Variants in TUBGCP3 observed in about 807,000 individuals in gnomAD.
The protein encoded by TUBGCP3 is tubulin gamma complex component 3.
TUBGCP3 carries 50 observed loss-of-function variants against 123.1 expected under a neutral mutation model. The ratio of observed to expected loss-of-function variants is 0.41; its 90% CI spans 0.32 to 0.51. TUBGCP3 has a LOEUF of 0.51. TUBGCP3 is among the 20% of genes least tolerant of loss of function. TUBGCP3 has a pLI of 0.36. For synonymous variants in TUBGCP3, 405 were observed against 413.9 expected (o/e 0.98, Z 0.26); for missense variants, 882 against 1,127.0 (o/e 0.78, Z 3.11).
chr13:112,572,381 C>T (rs971811471), intron 1 of TUBGCP3, among the ~76,000 whole-genome samples: 2 of 152,098 alleles, frequency 1.3e-5, no homozygotes, highest in African/African-American at 2.4e-5. Context: ...TGCTGGTTTG[C>T]GGCACCTAAT....
chr13:112,531,605 A>C (rs7986523), intron 11 of TUBGCP3, among the ~76,000 whole-genome samples: 2,165 of 152,328 alleles, frequency 0.014, 51 homozygotes, highest in African/African-American at 0.048. Context: ...GTTGGAGTAC[A>C]GCCGGATTTT....
At position 112,587,995 on chromosome 13, in the gene TUBGCP3, G is replaced by A. The variant is rs1322703526; in HGVS notation, c.-15C>T. The A allele has an allele frequency of 1.3e-6, 2 of 1,524,908 alleles. No individual in the cohort carries two copies. The highest frequency in any genetic ancestry group is 2.0e-5 in the Admixed American group (1 of 50,356). 94.5% of individuals were successfully genotyped at this position (1,524,908 alleles called of 1,614,324 possible). A position where few individuals can be genotyped will look rare whatever the true frequency, so the allele number is the denominator to read the frequency against. ...GGGGTCGCCATCCTCGCCCGGAGCC[G>A]TGCACGGTGGTCCGGGCAGAGCCGC... On this transcript the variant is annotated 5_prime_UTR_variant, in exon 1 of 22. In the 5' UTR this introduces an upstream ATG that the reference lacks. Transcript: ENST00000261965.
intron 1 of TUBGCP3, among the ~76,000 whole-genome samples, chr13:112,578,124 C>G (rs1881979739): frequency 6.6e-6 from 1 of 152,168 alleles, no homozygotes; most frequent in Non-Finnish European, 1.5e-5. Flanking sequence ...GAAGGCTACC[C>G]TGACGCACCA....
chr13:112,549,128 A>G (rs1879321585), intron 8 of TUBGCP3, among the ~76,000 whole-genome samples: 1 of 152,218 alleles, frequency 6.6e-6, no homozygotes, highest in Admixed American at 6.5e-5. Context: ...AATGTGGCAC[A>G]TATACACCAT....
At chr13:112,533,220 G>A (rs949242166) in intron 11 of TUBGCP3, among the ~76,000 whole-genome samples, 1 of 152,236 alleles carries the variant, frequency 6.6e-6, no homozygotes, top group South Asian at 2.1e-4. Context: ...AGTAGGCTCT[G>A]GGCAGACACA....
intron 11 of TUBGCP3, among the ~76,000 whole-genome samples, chr13:112,533,143 AAC>A (rs1877724479): frequency 1.3e-5 from 2 of 152,256 alleles, no homozygotes; most frequent in Non-Finnish European, 2.9e-5. Context: ...CTGGGCCATC[AAC>A]AGAGAGACCG....
At chr13:112,595,871 T>G in the TUBGCP3 span, among the ~76,000 whole-genome samples, 1 of 152,206 alleles carries the variant, frequency 6.6e-6, no homozygotes. Flanking sequence ...CTGTTTTCCA[T>G]TTCTCTCTTT....
At position 112,522,374 on chromosome 13, in the gene TUBGCP3, C is replaced by T. The variant is rs781567938; in HGVS notation, c.1691G>A (p.Arg564Gln). ...SLLDHMQAMR[R>Q]YLLLGQGDFI... ...GTCTCCTTGACCAAGAAGCAGGTAC[C>T]GCCTCATTGCCTGCATGTGGTCCAG... Residue 564 changes from arginine (R) to glutamine (Q), a missense_variant, in exon 14 of 22, where the codon CGG (arginine) becomes CAG (glutamine). Arg to Gln is a conservative substitution (Grantham distance 43). Around this residue, in one of 3 missense-constraint regions of TUBGCP3, gnomAD observed 713 missense variants for 874.0 expected, o/e 0.82. Transcript: ENST00000261965. The T allele has an allele frequency of 4.3e-6, 7 of 1,613,444 alleles. No homozygotes were observed. In the South Asian group the frequency reaches 5.5e-5, roughly 13 times the overall value.
intron 1 of TUBGCP3, among the ~76,000 whole-genome samples, chr13:112,585,308 C>T (rs1262475858): frequency 6.6e-6 from 1 of 152,182 alleles, no homozygotes; most frequent in South Asian, 2.1e-4. Flanking sequence ...CCTTTGCTCA[C>T]TAAGGTATAA....
At chr13:112,550,426 T>G (rs1879462590) in intron 8 of TUBGCP3, among the ~76,000 whole-genome samples, 1 of 152,130 alleles carries the variant, frequency 6.6e-6, no homozygotes, top group Admixed American at 6.5e-5. Context: ...TAAAACATAC[T>G]AATTTTGTAG....
intron 1 of TUBGCP3, among the ~76,000 whole-genome samples, chr13:112,582,191 C>T (rs147284093): frequency 5.3e-5 from 8 of 152,290 alleles, no homozygotes; most frequent in Middle Eastern, 3.4e-3. Context: ...GTCCACTACA[C>T]GCTTCTGGTT....
intron 1 of TUBGCP3, among the ~76,000 whole-genome samples, chr13:112,579,514 G>A (rs1384539707): frequency 1.3e-5 from 2 of 149,716 alleles, no homozygotes; most frequent in Non-Finnish European, 3.0e-5. Context: ...TGAGTGTCAG[G>A]GGGCCACGGC....
At chr13:112,600,659 C>T in the TUBGCP3 span, among the ~76,000 whole-genome samples, 1 of 152,014 alleles carries the variant, frequency 6.6e-6, no homozygotes, top group African/African-American at 2.4e-5. Flanking sequence ...AATTAATTTT[C>T]AAAGGTTGAC....
intron 19 of TUBGCP3, among the ~76,000 whole-genome samples, chr13:112,500,273 G>A (rs981428855): frequency 1.3e-5 from 2 of 152,182 alleles, no homozygotes; most frequent in African/African-American, 4.8e-5. Context: ...ACTAGGACTA[G>A]GGCAGAACCC....
chr13:112,558,090 T>C, intron 5 of TUBGCP3, 106 bp downstream of exon 5: 1 of 1,262,992 alleles, frequency 7.9e-7, no homozygotes. Context: ...CTGGCACGTA[T>C]GAGGCCCCAC....
the TUBGCP3 span, chr13:112,603,505 G>A: frequency 0.17 from 25,532 of 152,168 alleles, 3,349 homozygotes; most frequent in African/African-American, 0.36. Context: ...TGGGCAGATC[G>A]CAAGGTCAGG....
At chr13:112,567,682 G>A (rs1481574164) in intron 2 of TUBGCP3, among the ~76,000 whole-genome samples, 2 of 152,150 alleles carry the variant, frequency 1.3e-5, no homozygotes, top group South Asian at 2.1e-4. Flanking sequence ...CCCACTGCTC[G>A]TCCAGCCCTG....
At chr13:112,497,819 T>C (rs1880621747) in intron 20 of TUBGCP3, among the ~76,000 whole-genome samples, 1 of 152,220 alleles carries the variant, frequency 6.6e-6, no homozygotes, top group Non-Finnish European at 1.5e-5. Context: ...AAAGGTACAG[T>C]GAAAATATGG....
At chr13:112,600,525 T>C in the TUBGCP3 span, among the ~76,000 whole-genome samples, 1 of 152,204 alleles carries the variant, frequency 6.6e-6, no homozygotes, top group Non-Finnish European at 1.5e-5. Context: ...GAAAATGTCA[T>C]TAAACTGTTG....
Sources: allele counts gnomAD v4.1 joint callset (sites outside exome capture counted in the v4.1 genomes callset), GRCh38; gene constraint gnomAD v4.1.1; regional missense constraint gnomAD v4.1.1; transcripts MANE v1.5; gene names NCBI Gene and HGNC (gene_info 2026-07-23, HGNC 2026-07-21).